HEATR5B: variants seen among roughly 807,000 people sequenced by gnomAD.
HEATR5B encodes HEAT repeat containing 5B.
A neutral mutation model predicts 224.1 loss-of-function variants in HEATR5B; 156 were observed. That is an observed-to-expected ratio of 0.70 (90% CI 0.61 to 0.80). The LOEUF is 0.80. Ranked by LOEUF, HEATR5B falls within the 30% of genes least tolerant of loss-of-function variation. The pLI, the probability that HEATR5B is intolerant of heterozygous loss-of-function variation, is 0.00. For synonymous variants in HEATR5B, 1,027 were observed against 893.0 expected (o/e 1.15, Z -2.68); for missense variants, 2,323 against 2,535.5 (o/e 0.92, Z 1.80).
intron 28 of HEATR5B, chr2:37,008,300 G>A (rs573174205): frequency 3.4e-5 from 13 of 384,668 alleles, no homozygotes; most frequent in Non-Finnish European, 6.3e-5. Flanking sequence ...ACATTGAACA[G>A]TACAGCAATA....
chr2:37,060,233 GTTTC>G (rs1399687005), intron 12 of HEATR5B, among the ~76,000 whole-genome samples: 1 of 152,150 alleles, frequency 6.6e-6, no homozygotes, highest in African/African-American at 2.4e-5. Context: ...GTAATCCTGA[GTTTC>G]TTTTTCTTTA....
rs757927141 is a variant in HEATR5B at position 37,002,309 on chromosome 2, C to T, written c.5314G>A (p.Ala1772Thr). 36 of 1,614,040 alleles carry T rather than the reference C, an allele frequency of 2.2e-5. 1 individual carries two copies. In the South Asian group the frequency reaches 2.7e-4, roughly 12 times the overall value. The stretch of plus-strand genomic sequence containing the variant: ...CAAATACTGATCAATACCGTACCAG[C>T]GGGTGAACAAAGGGATGGTAAATCA... The part of the protein sequence containing the change: ...LSDLPSLCSP[A>T]GCMTILPTIL... Residue 1772 changes from alanine (A) to threonine (T), a missense_variant, in exon 32 of 36, where the codon GCT becomes ACT. Ala to Thr is a moderately conservative substitution (Grantham distance 58, BLOSUM62 0). Around this residue, in one of 12 missense-constraint regions of HEATR5B, gnomAD observed 844 missense variants for 812.9 expected, o/e 1.04. Transcript: ENST00000233099.
Position 37,056,421 on chromosome 2 carries a change from T to C in HEATR5B, c.2399+19A>G, listed in dbSNP as rs774964764. 4 of 1,542,754 alleles carry C rather than the reference T, an allele frequency of 2.6e-6. 1 individual carries two copies. The South Asian group carries it at 5.0e-5, about 19-fold the overall frequency. On this transcript the variant is annotated intron_variant, in intron 16 of 35. Transcript: ENST00000233099. ...TAATATATATTTAACAAAAATTACCTGATTGACTTTATACTAACCGGTGTT... is the reference window on the plus strand; with the variant it reads ...TAATATATATTTAACAAAAATTACCCGATTGACTTTATACTAACCGGTGTT...
chr2:37,065,140 G>A (rs1164400680), intron 9 of HEATR5B, 150 bp from the exon 10 acceptor site: 2 of 669,396 alleles, frequency 3.0e-6, no homozygotes, highest in African/African-American at 1.8e-5. Flanking sequence ...ACATACAGTA[G>A]AGTACTTCAA....
At chr2:37,006,892 A>T (rs952861737) in intron 29 of HEATR5B, among the ~76,000 whole-genome samples, 158 bp downstream of exon 29, 4 of 152,240 alleles carry the variant, frequency 2.6e-5, no homozygotes, top group African/African-American at 9.6e-5. Context: ...TCTAGGTTAA[A>T]AATTCAATTA....
At chr2:37,071,033 G>T (rs1390626854) in intron 6 of HEATR5B, among the ~76,000 whole-genome samples, 1 of 152,132 alleles carries the variant, frequency 6.6e-6, no homozygotes, top group Middle Eastern at 3.2e-3. Context: ...TAAAATAGTA[G>T]TAACAGTCCA....
chr2:37,033,989 C>T (rs1446122135), intron 21 of HEATR5B, among the ~76,000 whole-genome samples: 1 of 152,108 alleles, frequency 6.6e-6, no homozygotes. Context: ...GTCCCAGACA[C>T]AAATGATGGG....
intron 24 of HEATR5B, 120 bp downstream of exon 24, chr2:37,027,803 C>A: frequency 2.0e-6 from 2 of 990,512 alleles, no homozygotes; most frequent in Non-Finnish European, 3.0e-6. Context: ...AGAGAACTTA[C>A]AATAAATAAA....
intron 4 of HEATR5B, among the ~76,000 whole-genome samples, chr2:37,076,654 G>GAAAAAAAAAAAAA (rs11464053): frequency 6.9e-6 from 1 of 144,088 alleles, no homozygotes; most frequent in Non-Finnish European, 1.5e-5. Context: ...CCAAAAAAAA[G>GAAAAAAAAAAAAA]AAAAAAAAAA....
intron 33 of HEATR5B, among the ~76,000 whole-genome samples, chr2:36,994,872 T>G (rs1228347184): frequency 6.6e-6 from 1 of 151,704 alleles, no homozygotes; most frequent in African/African-American, 2.4e-5. Context: ...TGCCTCAGCC[T>G]CCTGAGTAGC....
At chr2:36,983,282 C>T (rs1385191981) in intron 35 of HEATR5B, among the ~76,000 whole-genome samples, 1 of 151,808 alleles carries the variant, frequency 6.6e-6, no homozygotes, top group Non-Finnish European at 1.5e-5. Flanking sequence ...GTAATCCTAG[C>T]ACTTTGGGAG....
At chr2:37,056,864 G>T (rs533172470) in intron 15 of HEATR5B, among the ~76,000 whole-genome samples, 7 of 152,102 alleles carry the variant, frequency 4.6e-5, no homozygotes, top group Non-Finnish European at 1.0e-4. Flanking sequence ...ACCTTATTGC[G>T]TGAACAATAT....
In HEATR5B at chr2:37,027,829, C is replaced by T. The variant is rs983730567; in HGVS notation, c.3853+94G>A. 39 of 1,276,004 alleles carry T rather than the reference C, an allele frequency of 3.1e-5. No homozygotes were observed. In the African/African-American group the frequency reaches 4.5e-4, roughly 15 times the overall value. 79.0% of individuals were successfully genotyped at this position (1,276,004 alleles called of 1,614,324 possible). On this transcript the variant is annotated intron_variant, in intron 24 of 35. Transcript: ENST00000233099. Reference sequence around the variant, plus strand: ...AATAAATAAATGGCATATTCTAAAGCACGCTATATCTGTCGCAGTAAAATA... The same window carrying T: ...AATAAATAAATGGCATATTCTAAAGTACGCTATATCTGTCGCAGTAAAATA...
chr2:37,034,769 G>C (rs565060063), intron 21 of HEATR5B, among the ~76,000 whole-genome samples: 1 of 151,962 alleles, frequency 6.6e-6, no homozygotes, highest in African/African-American at 2.4e-5. Flanking sequence ...TATTGCCCAG[G>C]CTGGTGTCAA....
chr2:37,006,837 G>A (rs573447962), intron 29 of HEATR5B, among the ~76,000 whole-genome samples: 16 of 152,256 alleles, frequency 1.1e-4, no homozygotes, highest in African/African-American at 3.6e-4. Flanking sequence ...CTGTGTGAAT[G>A]AGCATGACAG....
At chr2:37,014,122 A>G (rs1452569754) in intron 26 of HEATR5B, 102 bp from the exon 27 acceptor site, 8 of 593,446 alleles carry the variant, frequency 1.3e-5, no homozygotes, top group Non-Finnish European at 2.0e-5. Flanking sequence ...CACAAAACCA[A>G]AGAACAAAAC....
intron 24 of HEATR5B, among the ~76,000 whole-genome samples, chr2:37,022,388 A>G (rs1381052633): frequency 6.6e-6 from 1 of 152,140 alleles, no homozygotes; most frequent in Non-Finnish European, 1.5e-5. Flanking sequence ...CATGTTGACC[A>G]GGCTGGTCTC....
chr2:36,985,200 C>G (rs1665864168), intron 35 of HEATR5B, among the ~76,000 whole-genome samples: 1 of 152,074 alleles, frequency 6.6e-6, no homozygotes, highest in Non-Finnish European at 1.5e-5. Flanking sequence ...AAAAATGTTG[C>G]CATCAAATTA....
chr2:37,023,264 T>G (rs1168359189), intron 24 of HEATR5B, among the ~76,000 whole-genome samples: 2 of 152,138 alleles, frequency 1.3e-5, no homozygotes, highest in Non-Finnish European at 2.9e-5. Context: ...AAGAAATTAT[T>G]AAGCTCAAGG....
Sources: gnomAD v4.1 joint callset for allele counts (sites outside exome capture counted in the v4.1 genomes callset) on GRCh38, gnomAD v4.1.1 for gene constraint, gnomAD v4.1.1 regional missense constraint, MANE v1.5 for transcripts, NCBI Gene and HGNC (gene_info 2026-07-23, HGNC 2026-07-21) for gene names.